Variants in RNF111 observed in about 807,000 individuals in gnomAD.
RNF111 encodes ring finger protein 111.
RNF111 carries 17 observed loss-of-function variants against 95.1 expected under a neutral mutation model. The observed-to-expected ratio is 0.18, with a 90% CI of 0.12 to 0.27. The LOEUF (loss-of-function observed/expected upper bound fraction) is 0.27, where lower values mean the gene tolerates loss of function less well. RNF111 is among the 10% of genes least tolerant of loss of function. The pLI, the probability that RNF111 is intolerant of heterozygous loss-of-function variation, is 1.00. For synonymous variants in RNF111, 440 were observed against 414.8 expected (o/e 1.06, Z -0.74); for missense variants, 1,189 against 1,210.4 (o/e 0.98, Z 0.26).
intron 2 of RNF111, among the ~76,000 whole-genome samples, chr15:59,044,976 G>A (rs1017456462): frequency 4.6e-5 from 7 of 152,040 alleles, no homozygotes; most frequent in Admixed American, 3.9e-4. Context: ...TGATGTTTAA[G>A]CAATAGAATA....
chr15:59,085,693 A>G lies in RNF111; in HGVS notation c.2458A>G (p.Thr820Ala), dbSNP rs1226950763. The change falls in exon 10 of 14, where the codon ACT becomes GCT. Residue 820 changes from threonine (T) to alanine (A), a missense_variant. Transcript: ENST00000348370. The part of the protein sequence containing the change: ...LGIEAGVTAA[T>A]YTPGALHPHL... Reference sequence around the variant, plus strand: ...AATTGAAGCTGGAGTGACTGCAGCTACTTATACACCTGGTGCATTGCATCC... The same window carrying G: ...AATTGAAGCTGGAGTGACTGCAGCTGCTTATACACCTGGTGCATTGCATCC... The G allele has an allele frequency of 1.2e-6, 2 of 1,613,464 alleles. No individual in the cohort carries two copies. The highest frequency in any genetic ancestry group is 2.2e-5 in the East Asian group (1 of 44,832).
intron 1 of RNF111, among the ~76,000 whole-genome samples, chr15:59,018,171 G>A (rs115879211): frequency 0.015 from 2,255 of 152,258 alleles, 60 homozygotes; most frequent in African/African-American, 0.051. Flanking sequence ...TCATTTTCGA[G>A]CATTAAAATT....
chr15:59,073,492 A>AT (rs1555399559), intron 6 of RNF111, among the ~76,000 whole-genome samples: 5,213 of 150,480 alleles, frequency 0.035, 311 homozygotes, highest in African/African-American at 0.12. Context: ...AAAAAAAAAA[A>AT]AAATAAATAA....
At chr15:59,033,290 C>G (rs188040594) in intron 2 of RNF111, among the ~76,000 whole-genome samples, 3 of 152,288 alleles carry the variant, frequency 2.0e-5, no homozygotes, top group Admixed American at 1.3e-4. Flanking sequence ...TTCCAAGAAT[C>G]TCTTTCCTTT....
intron 1 of RNF111, among the ~76,000 whole-genome samples, chr15:59,001,267 A>G (rs547477231): frequency 6.6e-6 from 1 of 152,220 alleles, no homozygotes; most frequent in African/African-American, 2.4e-5. Context: ...AGAGGTATGA[A>G]GGGTTCATGT....
intron 1 of RNF111, among the ~76,000 whole-genome samples, chr15:59,016,407 A>G (rs2040071066): frequency 6.6e-6 from 1 of 151,964 alleles, no homozygotes. Context: ...TGACTTCGTG[A>G]TCTGCCCACT....
At chr15:59,057,894 T>C (rs548900853) in intron 4 of RNF111, among the ~76,000 whole-genome samples, 1 of 152,326 alleles carries the variant, frequency 6.6e-6, no homozygotes, top group East Asian at 1.9e-4. Flanking sequence ...AAATAACTTA[T>C]TTATATTCAT....
chr15:59,022,286 C>G (rs1442139778), intron 1 of RNF111, among the ~76,000 whole-genome samples: 9 of 152,100 alleles, frequency 5.9e-5, no homozygotes, highest in African/African-American at 1.9e-4. Context: ...TACTTAGAGG[C>G]GACAGAGAAT....
intron 1 of RNF111, among the ~76,000 whole-genome samples, chr15:59,002,389 C>A (rs1484292300): frequency 6.6e-6 from 1 of 152,140 alleles, no homozygotes; most frequent in Non-Finnish European, 1.5e-5. Flanking sequence ...TTATTTGTAG[C>A]AGTTACCATG....
chr15:59,004,223 A>G, intron 1 of RNF111: 2 of 655,334 alleles, frequency 3.1e-6, no homozygotes, highest in South Asian at 2.6e-5. Flanking sequence ...TTCAATTTAA[A>G]ATACTCCTTC....
chr15:59,068,223 A>AAAC (rs1194336188), intron 6 of RNF111, among the ~76,000 whole-genome samples: 5 of 151,162 alleles, frequency 3.3e-5, no homozygotes, highest in South Asian at 2.1e-4. Context: ...CTGTCTCAAA[A>AAAC]AACAACAACA....
intron 7 of RNF111, 94 bp downstream of exon 7, chr15:59,076,309 A>AT: frequency 7.1e-7 from 1 of 1,405,056 alleles, no homozygotes; most frequent in Non-Finnish European, 9.6e-7. Context: ...CAGTTCTTAA[A>AT]TTTTTAGTAT....
intron 5 of RNF111, among the ~76,000 whole-genome samples, chr15:59,060,388 G>C: frequency 6.6e-6 from 1 of 151,752 alleles, no homozygotes; most frequent in East Asian, 1.9e-4. Flanking sequence ...CAGATCACTC[G>C]AGGCCAGGAG....
intron 4 of RNF111, among the ~76,000 whole-genome samples, chr15:59,057,068 C>G (rs1176417851): frequency 6.6e-6 from 1 of 152,130 alleles, no homozygotes; most frequent in East Asian, 1.9e-4. Flanking sequence ...ACCAGTGGTT[C>G]TCAACTAGGG....
intron 1 of RNF111, among the ~76,000 whole-genome samples, chr15:59,019,967 A>G (rs1361921229): frequency 5.9e-5 from 9 of 152,092 alleles, no homozygotes; most frequent in African/African-American, 1.9e-4. Flanking sequence ...TCAAAAAAAC[A>G]AAAAACACAA....
At chr15:59,025,240 C>A (rs1181163225) in intron 1 of RNF111, among the ~76,000 whole-genome samples, 1 of 152,154 alleles carries the variant, frequency 6.6e-6, no homozygotes, top group African/African-American at 2.4e-5. Context: ...TAACTTTCTC[C>A]TTTCTACTAG....
intron 6 of RNF111, among the ~76,000 whole-genome samples, chr15:59,072,895 A>AG (rs1422230164): frequency 6.7e-6 from 1 of 148,226 alleles, no homozygotes; most frequent in Admixed American, 6.7e-5. Flanking sequence ...AAAAAAAAAC[A>AG]AAACACTTCC....
At chr15:58,995,396 A>C (rs998087710) in intron 1 of RNF111, among the ~76,000 whole-genome samples, 1 of 151,834 alleles carries the variant, frequency 6.6e-6, no homozygotes, top group Non-Finnish European at 1.5e-5. Context: ...TTGATGTTCA[A>C]ATTGTCCCAG....
chr15:58,992,891 C>T (rs968111471), intron 1 of RNF111, among the ~76,000 whole-genome samples: 1 of 152,010 alleles, frequency 6.6e-6, no homozygotes, highest in Non-Finnish European at 1.5e-5. Context: ...TTAGGCTGGA[C>T]ATGGTGGTGC....
Sources: gnomAD v4.1 joint callset for allele counts (sites outside exome capture counted in the v4.1 genomes callset) on GRCh38, gnomAD v4.1.1 for gene constraint, MANE v1.5 for transcripts, NCBI Gene and HGNC (gene_info 2026-07-23, HGNC 2026-07-21) for gene names.